ZNF799: variants seen among roughly 807,000 people sequenced by gnomAD.
The protein encoded by ZNF799 is zinc finger protein 14.
Under a neutral mutation model 41.0 loss-of-function variants are expected in ZNF799, and 28 were observed. The ratio of observed to expected loss-of-function variants is 0.68; its 90% CI spans 0.51 to 0.94. ZNF799 has a LOEUF of 0.94. Ranked by LOEUF, ZNF799 falls within the 40% of genes least tolerant of loss-of-function variation. The pLI, the probability that ZNF799 is intolerant of heterozygous loss-of-function variation, is 0.00. For missense variants in ZNF799, 716 were observed against 764.3 expected, an observed-to-expected ratio of 0.94 and a Z score of 0.74; for synonymous variants, 213 against 252.9, an observed-to-expected ratio of 0.84 and a Z score of 1.50.
At chr19:12,396,363 A>T (rs1193977453) in intron 1 of ZNF799, among the ~76,000 whole-genome samples, 1 of 152,264 alleles carries the variant, frequency 6.6e-6, no homozygotes, top group Non-Finnish European at 1.5e-5. Flanking sequence ...TAAAAAGTAG[A>T]AATTAACTGG....
chr19:12,395,343 T>C (rs1231259389), intron 1 of ZNF799, among the ~76,000 whole-genome samples: 2 of 152,106 alleles, frequency 1.3e-5, no homozygotes, highest in Non-Finnish European at 1.5e-5. Context: ...GGTTTCACCC[T>C]GTTGGCCAGG....
intron 1 of ZNF799, 152 bp downstream of exon 1, chr19:12,400,916 A>G: frequency 1.4e-6 from 2 of 1,408,162 alleles, no homozygotes; most frequent in Non-Finnish European, 2.0e-6. Flanking sequence ...GCCCAGCCCC[A>G]CCCTGCGGCC....
In ZNF799 at chr19:12,391,856, A is replaced by G. The variant is rs1480014986; in HGVS notation, c.542T>C (p.Leu181Ser). 1.2e-5 allele frequency: 19 copies of G among 1,614,024 alleles called. No homozygotes were observed. Among genetic ancestry groups the G allele is most frequent in the Non-Finnish European group, 1.5e-5 (18 of 1,180,014 alleles). ...CKECGKSFSS[L>S]GNLQRHMAVQ... ...TGCCATGTGTCTTTGAAGGTTTCCC[A>G]AAGAACTGAAGGACTTCCCACATTC... The change falls in exon 4 of 4, where the codon TTG (leucine) becomes TCG (serine). Residue 181 changes from leucine (L) to serine (S), a missense_variant. Leu to Ser is a moderately radical substitution (Grantham distance 145, BLOSUM62 -2). Around this residue, in one of 2 missense-constraint regions of ZNF799, gnomAD observed 698 missense variants for 713.6 expected, o/e 0.98. Transcript: ENST00000430385.
At position 12,396,564 on chromosome 19, in the gene ZNF799, G is replaced by A. The variant is rs1454209893; in HGVS notation, c.4-3141C>T. Among the ~76,000 whole-genome samples the A allele has an allele frequency of 3.9e-5, 6 of 152,308 alleles. No homozygotes were observed. In the East Asian group the frequency reaches 7.7e-4, roughly 20 times the overall value. On this transcript the variant is annotated intron_variant, in intron 1 of 3. Transcript: ENST00000430385. ...CTTGGGAGGCTGAGGCAGAAGAATC[G>A]CTTGAACCCAGGACGTGGAGGTTGC...
chr19:12,390,859 G>A lies in ZNF799; in HGVS notation c.1539C>T (p.Phe513=). Residue 513 remains phenylalanine, a synonymous_variant, in exon 4 of 4, where the codon TTC becomes TTT. Coordinates refer to ENST00000430385, the MANE Select transcript of ZNF799 (RefSeq NM_001080821.3). ...GTACTTTTAAGTTACCAAAATGACT[G>A]AAGGCTTTCTTACATGTGTTACACT... The part of the protein sequence containing the change: ...PYECNTCKKA[F]SHFGNLKVHE... 1.2e-6 allele frequency: 2 copies of A among 1,614,020 alleles called. No homozygotes were observed. Among genetic ancestry groups the A allele is most frequent in the Non-Finnish European group, 1.7e-6 (2 of 1,179,996 alleles).
chr19:12,410,284 T>TAC, the ZNF799 span, among the ~76,000 whole-genome samples: 1 of 105,824 alleles, frequency 9.4e-6, no homozygotes, highest in Non-Finnish European at 1.9e-5. Context: ...TATATATATA[T>TAC]ATATATATAT....
upstream of ZNF799, among the ~76,000 whole-genome samples, chr19:12,401,569 CGAGA>C (rs142456121): frequency 0.43 from 33,847 of 78,146 alleles, 7,270 homozygotes; most frequent in Non-Finnish European, 0.47. Flanking sequence ...TTTTTTTTTC[CGAGA>C]GAGAGAGAGA....
chr19:12,401,219 A>T lies in ZNF799; in HGVS notation c.-149T>A. The T allele has an allele frequency of 6.7e-7, 1 of 1,501,666 alleles. No homozygotes were observed. The highest frequency in any genetic ancestry group is 1.3e-5 in the South Asian group (1 of 79,220). The allele number at this position is 1,501,666 out of a possible 1,614,324, so 93.0% of individuals were successfully genotyped here. A position where few individuals can be genotyped will look rare whatever the true frequency, so the allele number is the denominator to read the frequency against. ...CGCCCAGCGCAGGTGGGTGGAGAAG[A>T]CGCCGCGGGCTTTTTCAACCACACA... On this transcript the variant is annotated 5_prime_UTR_variant, in exon 1 of 4. Coordinates refer to ENST00000430385, the MANE Select transcript of ZNF799 (RefSeq NM_001080821.3).
At position 12,392,064 on chromosome 19, in the gene ZNF799, T is replaced by A; in HGVS notation, c.334A>T (p.Ile112Phe). The A allele has an allele frequency of 6.2e-7, 1 of 1,614,182 alleles. No individual in the cohort carries two copies. Among genetic ancestry groups the A allele is most frequent in the Non-Finnish European group, 8.5e-7 (1 of 1,180,012 alleles). ...PYESRMSGEV[I>F]MGHSSLNCYI... Reference sequence around the variant, plus strand: ...CAATTAAGGGATGAATGACCCATGATGACTTCTCCACTCATACGGCTTTCA... The same window carrying A: ...CAATTAAGGGATGAATGACCCATGAAGACTTCTCCACTCATACGGCTTTCA... Residue 112 changes from isoleucine (I) to phenylalanine (F), a missense_variant, in exon 4 of 4, where the codon ATC becomes TTC. Coordinates refer to ENST00000430385, the MANE Select transcript of ZNF799 (RefSeq NM_001080821.3).
rs1286758009 is a variant in ZNF799 at position 12,401,173 on chromosome 19, G to A, written c.-103C>T. 6.2e-7 allele frequency: 1 copy of A among 1,601,326 alleles called. No individual in the cohort carries two copies. Among genetic ancestry groups the A allele is most frequent in the South Asian group, 1.1e-5 (1 of 89,938 alleles). ...CACGGAACTTCCAGGTCGTCTCTTA[G>A]CTACAGAGCCGAGCACCGAGCGCCC... On this transcript the variant is annotated 5_prime_UTR_variant, in exon 1 of 4. Transcript: ENST00000430385.
At chr19:12,403,170 C>T (rs1032686216), upstream of ZNF799, among the ~76,000 whole-genome samples, 1 of 152,136 alleles carries the variant, frequency 6.6e-6, no homozygotes, top group Non-Finnish European at 1.5e-5. Flanking sequence ...TATGTTCTAT[C>T]TGCCTAGGAA....
rs770164104 is a variant in ZNF799 at position 12,392,218 on chromosome 19, G to A, written c.192-12C>T. ...CTAACATACGACATCTGTAAAAAAT[G>A]GGAAATATATCACTAAAAGTCGGTC... On this transcript the variant is annotated splice_polypyrimidine_tract_variant and intron_variant, in intron 3 of 3. Coordinates refer to ENST00000430385, the MANE Select transcript of ZNF799 (RefSeq NM_001080821.3). 1.3e-5 allele frequency: 20 copies of A among 1,542,092 alleles called. No individual in the cohort carries two copies. The South Asian group carries it at 2.4e-4, about 19-fold the overall frequency.
upstream of ZNF799, among the ~76,000 whole-genome samples, chr19:12,401,569 CGAGAGAGAGAGAGA>C (rs142456121): frequency 8.9e-5 from 7 of 78,434 alleles, no homozygotes; most frequent in Middle Eastern, 9.3e-3. Context: ...TTTTTTTTTC[CGAGAGAGAGAGAGA>C]GAGAGAGAGA....
the ZNF799 span, among the ~76,000 whole-genome samples, chr19:12,413,205 T>C: frequency 6.6e-6 from 1 of 152,208 alleles, no homozygotes; most frequent in African/African-American, 2.4e-5. Context: ...TTGTCTTCCA[T>C]GTAGAACCTT....
intron 1 of ZNF799, among the ~76,000 whole-genome samples, chr19:12,395,302 C>T (rs962364003): frequency 2.6e-5 from 4 of 151,988 alleles, no homozygotes; most frequent in East Asian, 1.9e-4. Context: ...CCACCACATC[C>T]GGCCAACTTT....
chr19:12,395,492 T>A (rs1294923912), intron 1 of ZNF799, among the ~76,000 whole-genome samples: 8 of 152,096 alleles, frequency 5.3e-5, no homozygotes, highest in Non-Finnish European at 8.8e-5. Context: ...AGGGTCCAAT[T>A]TGGCAGGAAC....
At chr19:12,397,513 T>C (rs868698599) in intron 1 of ZNF799, among the ~76,000 whole-genome samples, 23 of 146,426 alleles carry the variant, frequency 1.6e-4, no homozygotes, top group African/African-American at 5.1e-4. Flanking sequence ...TATAGTTAAC[T>C]ATGATTGCTC....
chr19:12,393,691 C>A (rs1969857969), intron 1 of ZNF799: 2 of 1,279,422 alleles, frequency 1.6e-6, no homozygotes, highest in Admixed American at 6.8e-5. Context: ...GCCTGGATCA[C>A]CCCTAATGTT....
chr19:12,391,942 G>T lies in ZNF799; in HGVS notation c.456C>A (p.Tyr152Ter). The T allele has an allele frequency of 6.2e-7, 1 of 1,614,062 alleles. No homozygotes were observed. The highest frequency in any genetic ancestry group is 8.5e-7 in the Non-Finnish European group (1 of 1,179,998). Residue 152 changes from tyrosine to a stop codon, truncating the protein, a stop_gained, in exon 4 of 4, where the codon TAC becomes TAA. Transcript: ENST00000430385. LOFTEE classifies it low-confidence loss of function (END_TRUNC). ...THKQRGKAFS[Y>*]HNSLQTHERL... Reference sequence around the variant, plus strand: ...TCTCATGTGTTTGAAGTGAGTTGTGGTAACTGAAGGCTTTCCCACGTTGTT... The same window carrying T: ...TCTCATGTGTTTGAAGTGAGTTGTGTTAACTGAAGGCTTTCCCACGTTGTT...
Sources: allele counts gnomAD v4.1 joint callset (sites outside exome capture counted in the v4.1 genomes callset), GRCh38; gene constraint gnomAD v4.1.1; regional missense constraint gnomAD v4.1.1; transcripts MANE v1.5; gene names NCBI Gene and HGNC (gene_info 2026-07-23, HGNC 2026-07-21).